PTH2R: variants seen among roughly 807,000 people sequenced by gnomAD.
PTH2R encodes PTH2 receptor.
Under a neutral mutation model 60.3 loss-of-function variants are expected in PTH2R, and 59 were observed. The ratio of observed to expected loss-of-function variants is 0.98; its 90% CI spans 0.79 to 1.22. The LOEUF is 1.22. Among genes scored for constraint, PTH2R ranks in the 50% most tolerant of loss-of-function variants. The probability of loss-of-function intolerance (pLI) is 0.00; values close to 1 mark genes in which losing one functional copy is unlikely to be tolerated. For missense variants in PTH2R, 749 were observed against 682.6 expected (o/e 1.10, Z -1.08); for synonymous variants, 256 against 243.8 (o/e 1.05, Z -0.47).
At chr2:208,473,029 G>T (rs899522488) in intron 9 of PTH2R, among the ~76,000 whole-genome samples, 1 of 152,178 alleles carries the variant, frequency 6.6e-6, no homozygotes, top group East Asian at 1.9e-4. Context: ...TTATGTAGGG[G>T]CACATACCCT....
chr2:208,460,984 A>C (rs976399718), intron 9 of PTH2R, among the ~76,000 whole-genome samples: 2 of 152,162 alleles, frequency 1.3e-5, no homozygotes, highest in African/African-American at 2.4e-5. Context: ...ACCTCATCCA[A>C]AGAATCAGAT....
At chr2:208,389,424 A>G (rs1469567250) in intron 1 of PTH2R, among the ~76,000 whole-genome samples, 1 of 152,250 alleles carries the variant, frequency 6.6e-6, no homozygotes, top group Non-Finnish European at 1.5e-5. Context: ...ACTGCCAGTT[A>G]TATTTGCAGA....
intron 2 of PTH2R, among the ~76,000 whole-genome samples, chr2:208,435,940 A>G (rs190035167): frequency 6.6e-6 from 1 of 152,362 alleles, no homozygotes; most frequent in Non-Finnish European, 1.5e-5. Flanking sequence ...AAGTTGGGGT[A>G]TAATTTGGCT....
At chr2:208,482,611 C>T (rs1376461107) in intron 10 of PTH2R, among the ~76,000 whole-genome samples, 6 of 152,164 alleles carry the variant, frequency 3.9e-5, no homozygotes, top group Non-Finnish European at 7.3e-5. Context: ...CTATTATTAG[C>T]AAGATATTAA....
At chr2:208,488,250 A>G (rs1439934427) in intron 10 of PTH2R, among the ~76,000 whole-genome samples, 2 of 152,230 alleles carry the variant, frequency 1.3e-5, no homozygotes, top group Non-Finnish European at 2.9e-5. Context: ...CAGAGAAGTC[A>G]AGATGAACTG....
At chr2:208,427,541 AT>A (rs1268902822) in intron 1 of PTH2R, among the ~76,000 whole-genome samples, 2 of 152,212 alleles carry the variant, frequency 1.3e-5, no homozygotes, top group African/African-American at 4.8e-5. Context: ...TATGAATATA[AT>A]CCAGAAATCT....
At chr2:208,488,737 C>A (rs893760971) in intron 10 of PTH2R, among the ~76,000 whole-genome samples, 32 of 152,080 alleles carry the variant, frequency 2.1e-4, no homozygotes, top group Admixed American at 3.3e-4. Context: ...AATATTCAGG[C>A]ATGGTGGCAA....
At chr2:208,364,289 A>T (rs138663098) in intron 1 of PTH2R, among the ~76,000 whole-genome samples, 1 of 152,276 alleles carries the variant, frequency 6.6e-6, no homozygotes, top group Non-Finnish European at 1.5e-5. Flanking sequence ...AGAATGTGGA[A>T]TGTGTCATAT....
At chr2:208,481,412 T>C (rs1282630233) in intron 10 of PTH2R, among the ~76,000 whole-genome samples, 1 of 152,140 alleles carries the variant, frequency 6.6e-6, no homozygotes, top group Non-Finnish European at 1.5e-5. Context: ...GGTTTTGCCC[T>C]GTTGGCCAGG....
chr2:208,395,337 C>T (rs960449581), intron 1 of PTH2R, among the ~76,000 whole-genome samples: 2 of 152,030 alleles, frequency 1.3e-5, no homozygotes, highest in African/African-American at 2.4e-5. Flanking sequence ...TGAACCACCA[C>T]GCCCGGCCGA....
At chr2:208,449,291 G>T (rs561507472) in intron 7 of PTH2R, among the ~76,000 whole-genome samples, 6 of 152,112 alleles carry the variant, frequency 3.9e-5, no homozygotes, top group Non-Finnish European at 7.4e-5. Flanking sequence ...ATAACCAAAA[G>T]CAACTGAAGT....
In PTH2R at chr2:208,444,886, G is replaced by C. The variant is rs1321697023; in HGVS notation, c.852G>C (p.Trp284Cys). The C allele has an allele frequency of 2.5e-6, 4 of 1,611,868 alleles. No homozygotes were observed. The highest frequency in any genetic ancestry group is 3.4e-6 in the Non-Finnish European group (4 of 1,178,870). The change falls in exon 7 of 13, where the codon TGG (tryptophan) becomes TGC (cysteine). Residue 284 changes from tryptophan to cysteine, a missense_variant and splice_region_variant. By Grantham distance (215) the Trp-to-Cys change is radical. Transcript: ENST00000272847. ...KYLWGFILIG[W>C]GFPAAFVAAW... is the part of the protein sequence containing the mutation. The stretch of plus-strand genomic sequence containing the variant: ...TGTGGGGCTTCATCTTGATAGGCTG[G>C]GGTAAGACATTTATATCTCTGTTCC...
intron 11 of PTH2R, 91 bp from the exon 12 acceptor site, chr2:208,490,545 AAAC>A (rs1392110379): frequency 4.1e-6 from 5 of 1,220,316 alleles, no homozygotes; most frequent in Non-Finnish European, 5.8e-6. Context: ...GAATCATAAA[AAAC>A]AATTTTTGGA....
chr2:208,372,517 TCA>T, intron 1 of PTH2R, among the ~76,000 whole-genome samples: 1 of 152,196 alleles, frequency 6.6e-6, no homozygotes, highest in South Asian at 2.1e-4. Context: ...ATTAAAATGT[TCA>T]CAAGTAGGTA....
intron 11 of PTH2R, 148 bp downstream of exon 11, chr2:208,489,298 G>A (rs1340971944): frequency 1.0e-6 from 1 of 967,254 alleles, no homozygotes; most frequent in Non-Finnish European, 1.5e-6. Context: ...TATTTCTATA[G>A]TGCCTGTGCT....
At chr2:208,374,612 C>T (rs747171471) in intron 1 of PTH2R, among the ~76,000 whole-genome samples, 4 of 152,082 alleles carry the variant, frequency 2.6e-5, no homozygotes, top group South Asian at 2.1e-4. Flanking sequence ...AAGCGATTCT[C>T]CTGCCTCAGC....
At chr2:208,486,486 A>G (rs982583743) in intron 10 of PTH2R, among the ~76,000 whole-genome samples, 9 of 152,200 alleles carry the variant, frequency 5.9e-5, no homozygotes, top group Non-Finnish European at 8.8e-5. Flanking sequence ...TTTTAACTTA[A>G]TTTTGGGCTC....
rs576077548 is a variant in PTH2R, at chr2:208,382,007, A to G, written c.-259+21770A>G. Reference sequence around the variant, plus strand: ...TCTGCTCAAAAGCTCACATGTAGCTACAAGGCAGAGATTTAGGGGAGTGGT... The same window carrying G: ...TCTGCTCAAAAGCTCACATGTAGCTGCAAGGCAGAGATTTAGGGGAGTGGT... On this transcript the variant is annotated intron_variant, in intron 1 of 12. Transcript: ENST00000617735. 1.5e-3 allele frequency among the ~76,000 whole-genome samples: 232 copies of G among 152,302 alleles called. 2 individuals are homozygous for G. The highest frequency in any genetic ancestry group is 5.5e-3 in the African/African-American group (229 of 41,524).
chr2:208,483,031 A>G (rs2105906891), intron 10 of PTH2R, among the ~76,000 whole-genome samples: 2 of 152,344 alleles, frequency 1.3e-5, no homozygotes, highest in South Asian at 4.1e-4. Context: ...TGTATTTACA[A>G]TAATCAGGAG....
Sources: allele counts gnomAD v4.1 joint callset (sites outside exome capture counted in the v4.1 genomes callset), GRCh38; gene constraint gnomAD v4.1.1; transcripts MANE v1.5; gene names NCBI Gene and HGNC (gene_info 2026-07-23, HGNC 2026-07-21).